Variants in ABCA13 observed in about 807,000 individuals in gnomAD.
ABCA13 encodes the protein ATP binding cassette subfamily A member 13.
Under a neutral mutation model 478.7 loss-of-function variants are expected in ABCA13, and 476 were observed. The observed-to-expected ratio is 0.99, with a 90% CI of 0.92 to 1.07. ABCA13 has a LOEUF of 1.07. ABCA13 is among the 50% of genes least tolerant of loss of function. The pLI, the probability that ABCA13 is intolerant of heterozygous loss-of-function variation, is 0.00. For synonymous variants in ABCA13, 2,252 were observed against 2,158.9 expected, an observed-to-expected ratio of 1.04 and a Z score of -1.20; for missense variants, 6,060 against 5,910.6, an observed-to-expected ratio of 1.03 and a Z score of -0.83.
intron 1 of ABCA13, among the ~76,000 whole-genome samples, chr7:48,190,091 A>C (rs1023701075): frequency 3.3e-5 from 5 of 152,162 alleles, no homozygotes; most frequent in Admixed American, 3.3e-4. Flanking sequence ...TGTTAATCCT[A>C]GGTGCTATTG....
chr7:48,330,025 C>G lies in ABCA13; in HGVS notation c.10000-5397C>G, dbSNP rs543568557. 1.0e-4 allele frequency among the ~76,000 whole-genome samples: 14 copies of G among 140,540 alleles called. No homozygotes were observed. In the Admixed American group the frequency reaches 1.1e-3, roughly 11 times the overall value. 92.2% of individuals were successfully genotyped at this position (140,540 alleles called of 152,430 possible). A position where few individuals can be genotyped will look rare whatever the true frequency, so the allele number is the denominator to read the frequency against. On this transcript the variant is annotated intron_variant, in intron 27 of 61. Transcript: ENST00000435803. ...TCCATTTATCTATTCATCCATTGAT[C>G]TATTTATCCATCCATCCATCCATCC...
chr7:48,273,494 A>C lies in ABCA13; in HGVS notation c.3828A>C (p.Thr1276=), dbSNP rs73697119. 8.8e-3 allele frequency: 14,157 copies of C among 1,601,182 alleles called. 882 individuals are homozygous for C. The African/African-American group carries it at 0.15, about 16-fold the overall frequency. Reference sequence around the variant, plus strand: ...AGACATTTCCATTCAACGAAAGTACAAGCAGAGAGTTTTTAAATTCTCTGC... The same window carrying C: ...AGACATTTCCATTCAACGAAAGTACCAGCAGAGAGTTTTTAAATTCTCTGC... ...QLKTFPFNES[T]SREFLNSLLE... is the part of the protein sequence containing the mutation. The change falls in exon 17 of 62, where the codon ACA becomes ACC. Residue 1276 remains threonine, a synonymous_variant. Coordinates refer to ENST00000435803, the MANE Select transcript of ABCA13 (RefSeq NM_152701.5).
chr7:48,341,621 A>G (rs1464034320), intron 29 of ABCA13, among the ~76,000 whole-genome samples: 1 of 151,012 alleles, frequency 6.6e-6, no homozygotes, highest in East Asian at 1.9e-4. Context: ...GTCTTGTCAG[A>G]GGGTTATCAA....
intron 1 of ABCA13, among the ~76,000 whole-genome samples, chr7:48,191,642 A>G (rs1797121407): frequency 1.3e-5 from 2 of 152,264 alleles, no homozygotes; most frequent in South Asian, 2.1e-4. Context: ...TCCTGACCTC[A>G]AGTGATCCGT....
At chr7:48,445,402 G>C (rs1824166173) in intron 42 of ABCA13, among the ~76,000 whole-genome samples, 1 of 152,100 alleles carries the variant, frequency 6.6e-6, no homozygotes, top group African/African-American at 2.4e-5. Flanking sequence ...TTCTGCTCAT[G>C]GACTCCTAAG....
chr7:48,493,374 T>C (rs1211235075), intron 48 of ABCA13, among the ~76,000 whole-genome samples: 1 of 152,150 alleles, frequency 6.6e-6, no homozygotes, highest in Non-Finnish European at 1.5e-5. Context: ...ATAATTTTGT[T>C]AAATTAAAAT....
chr7:48,436,328 ATTGTTATAATCTTT>A (rs1489424782), intron 42 of ABCA13, among the ~76,000 whole-genome samples: 1 of 151,588 alleles, frequency 6.6e-6, no homozygotes, highest in African/African-American at 2.4e-5. Context: ...TGTTCATACT[ATTGTTATAATCTTT>A]TTGTTTCCGT....
At chr7:48,404,104 C>G (rs1287501013) in intron 39 of ABCA13, 1 of 539,824 alleles carries the variant, frequency 1.9e-6, no homozygotes, top group East Asian at 4.4e-5. Context: ...TCAATAACAG[C>G]AATGACATCT....
In ABCA13 at chr7:48,288,085, C is replaced by T. The variant is rs770470775; in HGVS notation, c.8955+7C>T. On this transcript the variant is annotated splice_region_variant and intron_variant, in intron 20 of 61. Transcript: ENST00000435803. ...GGCGCAGGACCACTTCCAGGTTTGT[C>T]GTCTTTAATATTTCAGAGAATTTCA... The T allele has an allele frequency of 9.9e-6, 16 of 1,609,106 alleles. No individual in the cohort carries two copies. Among genetic ancestry groups the T allele is most frequent in the Middle Eastern group, 3.3e-4 (2 of 6,076 alleles).
chr7:48,454,175 A>G (rs547697886), intron 42 of ABCA13, among the ~76,000 whole-genome samples: 2 of 152,296 alleles, frequency 1.3e-5, no homozygotes, highest in South Asian at 4.1e-4. Flanking sequence ...GGGAAAAACT[A>G]TCACCACAGC....
At chr7:48,547,089 T>A (rs1918602) in intron 55 of ABCA13, among the ~76,000 whole-genome samples, 21,306 of 151,866 alleles carry the variant, frequency 0.14, 2,074 homozygotes, top group African/African-American at 0.23. Context: ...GCCTCTATGT[T>A]TGTATGTATC....
At chr7:48,420,203 T>C (rs1341750175) in intron 41 of ABCA13, among the ~76,000 whole-genome samples, 1 of 152,252 alleles carries the variant, frequency 6.6e-6, no homozygotes, top group Non-Finnish European at 1.5e-5. Flanking sequence ...AAGCATATTT[T>C]ATTTCTAAAC....
At chr7:48,637,381 C>CAAAAAAAAAAAAAAAGAAAAAA (rs1794733592) in intron 59 of ABCA13, among the ~76,000 whole-genome samples, 1 of 20,258 alleles carries the variant, frequency 4.9e-5, no homozygotes, top group African/African-American at 2.0e-4. Context: ...GTTCATAAAG[C>CAAAAAAAAAAAAAAAGAAAAAA]AAAAAAAAAA....
intron 35 of ABCA13, 67 bp from the exon 36 acceptor site, chr7:48,387,755 G>T (rs2129051292): frequency 8.2e-7 from 1 of 1,217,210 alleles, no homozygotes; most frequent in East Asian, 2.6e-5. Context: ...AATTACTTAA[G>T]ATATTCTAAT....
intron 59 of ABCA13, among the ~76,000 whole-genome samples, chr7:48,641,643 T>A (rs1795109361): frequency 1.3e-5 from 2 of 152,192 alleles, no homozygotes. Flanking sequence ...ATCAGAATCA[T>A]TAATAAACAT....
intron 7 of ABCA13, among the ~76,000 whole-genome samples, chr7:48,230,932 C>G (rs965828609): frequency 7.2e-5 from 11 of 151,994 alleles, no homozygotes; most frequent in Non-Finnish European, 1.5e-5. Context: ...GAATAAAAAG[C>G]TGAATAAGAC....
intron 20 of ABCA13, among the ~76,000 whole-genome samples, chr7:48,293,611 G>A (rs1562985202): frequency 2.0e-5 from 3 of 152,208 alleles, no homozygotes; most frequent in Admixed American, 1.3e-4. Flanking sequence ...ATAGATTCAT[G>A]TGTATGTTTA....
intron 35 of ABCA13, among the ~76,000 whole-genome samples, chr7:48,380,591 C>T (rs977685605): frequency 6.6e-6 from 1 of 152,196 alleles, no homozygotes; most frequent in Non-Finnish European, 1.5e-5. Flanking sequence ...TGATCAGGCT[C>T]ACAGAAGGCA....
At chr7:48,288,563 G>T (rs1798080517) in intron 20 of ABCA13, among the ~76,000 whole-genome samples, 1 of 152,112 alleles carries the variant, frequency 6.6e-6, no homozygotes, top group South Asian at 2.1e-4. Context: ...TACGTTTAAT[G>T]ACGTTATGGT....
Sources: allele counts gnomAD v4.1 joint callset (sites outside exome capture counted in the v4.1 genomes callset), GRCh38; gene constraint gnomAD v4.1.1; transcripts MANE v1.5; gene names NCBI Gene and HGNC (gene_info 2026-07-23, HGNC 2026-07-21).